The following DEFB110 variants were observed in gnomAD, a reference collection of about 807,000 sequenced individuals.
DEFB110 encodes the protein defensin beta 110.
A neutral mutation model predicts 2.5 loss-of-function variants in DEFB110; 4 were observed. That is an observed-to-expected ratio of 1.60 (90% confidence interval 0.79 to 3.66). The LOEUF (loss-of-function observed/expected upper bound fraction) is 3.66, where lower values mean the gene tolerates loss of function less well. Ranked by LOEUF, DEFB110 falls within the 30% of genes most tolerant of loss-of-function variation. DEFB110 has a pLI of 0.01. For missense variants in DEFB110, 94 were observed against 75.4 expected (o/e 1.25, Z -0.91); for synonymous variants, 29 against 21.8 (o/e 1.33, Z -0.92).
downstream of DEFB110, among the ~76,000 whole-genome samples, chr6:50,014,079 A>T (rs912491069): frequency 6.6e-6 from 1 of 151,882 alleles, no homozygotes. Context: ...TAAGAGGAAA[A>T]GGGATTCAGA....
At chr6:50,013,446 CTG>C (rs1432199574) in intron 1 of DEFB110, among the ~76,000 whole-genome samples, 2 of 151,792 alleles carry the variant, frequency 1.3e-5, no homozygotes, top group Non-Finnish European at 2.9e-5. Flanking sequence ...GAAAATCAAA[CTG>C]TGCACAGGTG....
chr6:50,020,912 T>C (rs191512259), intron 1 of DEFB110, among the ~76,000 whole-genome samples: 15 of 152,340 alleles, frequency 9.8e-5, no homozygotes, highest in East Asian at 1.9e-4. Context: ...TGAATTATAC[T>C]CACTTTTGGC....
chr6:50,012,209 C>T (rs540654444), intron 1 of DEFB110, among the ~76,000 whole-genome samples: 5 of 151,968 alleles, frequency 3.3e-5, no homozygotes, highest in East Asian at 3.9e-4. Context: ...CCTGCTATCA[C>T]ATTGTTACTA....
downstream of DEFB110, among the ~76,000 whole-genome samples, chr6:50,014,116 T>G (rs1774276162): frequency 6.6e-6 from 1 of 151,806 alleles, no homozygotes; most frequent in Non-Finnish European, 1.5e-5. Context: ...CCATTGACAT[T>G]TAGAAGACTA....
At chr6:50,021,645 T>C (rs1051362579) in intron 1 of DEFB110, among the ~76,000 whole-genome samples, 1 of 152,212 alleles carries the variant, frequency 6.6e-6, no homozygotes, top group African/African-American at 2.4e-5. Flanking sequence ...GAATTAATGT[T>C]GATGTAATAG....
chr6:50,020,347 T>C (rs1415484892), intron 1 of DEFB110, among the ~76,000 whole-genome samples: 1 of 152,142 alleles, frequency 6.6e-6, no homozygotes, highest in East Asian at 1.9e-4. Flanking sequence ...TTTTTAAGTT[T>C]ATATTTTAAA....
At chr6:50,020,413 C>T (rs929562948) in intron 1 of DEFB110, among the ~76,000 whole-genome samples, 1 of 150,874 alleles carries the variant, frequency 6.6e-6, no homozygotes, top group Non-Finnish European at 1.5e-5. Context: ...CTGGCCGATT[C>T]GTTTTCAGAA....
rs1218551794 is a variant in DEFB110, at chr6:50,019,902, C to G, written c.56-777G>C. Among the ~76,000 whole-genome samples the G allele has an allele frequency of 2.0e-5, 3 of 152,136 alleles. No individual in the cohort carries two copies. The South Asian group carries it at 6.2e-4, about 32-fold the overall frequency. On this transcript the variant is annotated intron_variant, in intron 1 of 1. Coordinates refer to ENST00000371148, the MANE Select transcript of DEFB110 (RefSeq NM_001037497.2). The stretch of plus-strand genomic sequence containing the variant: ...ATTTTTGGAAGTAATTTTAGTGGCA[C>G]GCAGACACACCCATTTGCTAACACA...
At position 50,021,970 on chromosome 6, in the gene DEFB110, C is replaced by T. The variant is rs754490484; in HGVS notation, c.-35G>A. 1 of 1,502,486 alleles carries T rather than the reference C, an allele frequency of 6.7e-7. No individual in the cohort carries two copies. The highest frequency in any genetic ancestry group is 8.9e-7 in the Non-Finnish European group (1 of 1,126,502). The allele number at this position is 1,502,486 out of a possible 1,614,324, so 93.1% of individuals were successfully genotyped here. ...TTTCTTAAAAAAAGGGGGCAACAGA[C>T]CTCCTTTTTCAAGTCAGTTGTTTTG... On this transcript the variant is annotated 5_prime_UTR_variant, in exon 1 of 2. Coordinates refer to ENST00000371148, the MANE Select transcript of DEFB110 (RefSeq NM_001037497.2).
rs773742589 is a variant in DEFB110 at position 50,019,040 on chromosome 6, A to G, written c.141T>C (p.His47=). ...IGNGQCKNQC[H]ENEIRIAYCI... is the part of the protein sequence containing the mutation. ...AGTAAGCAATCCTAATTTCATTTTC[A>G]TGACACTGATTTTTACATTGACCAT... The change falls in exon 2 of 2, where the codon CAT becomes CAC. Residue 47 remains histidine, a synonymous_variant. Transcript: ENST00000371148. 3.7e-6 allele frequency: 6 copies of G among 1,613,222 alleles called. No homozygotes were observed. Among genetic ancestry groups the G allele is most frequent in the Non-Finnish European group, 5.1e-6 (6 of 1,179,428 alleles).
downstream of DEFB110, among the ~76,000 whole-genome samples, chr6:50,018,654 A>G (rs1214293642): frequency 3.9e-5 from 6 of 151,972 alleles, no homozygotes; most frequent in Non-Finnish European, 2.9e-5. Context: ...TCTTTGACCT[A>G]GGGTTTCCCA....
intron 1 of DEFB110, 61 bp from the exon 2 acceptor site, chr6:50,019,186 A>G (rs1165200752): frequency 4.5e-6 from 7 of 1,541,366 alleles, no homozygotes; most frequent in African/African-American, 1.4e-5. Flanking sequence ...CATGTTTTAA[A>G]AGGAGAAAGT....
At position 50,018,884 on chromosome 6, in the gene DEFB110, A is replaced by G. The variant is rs952523997; in HGVS notation, c.*93T>C. 1.4e-6 allele frequency: 2 copies of G among 1,480,994 alleles called. No homozygotes were observed. The highest frequency in any genetic ancestry group is 1.8e-6 in the Non-Finnish European group (2 of 1,122,082). The allele number at this position is 1,480,994 out of a possible 1,614,324, so 91.7% of individuals were successfully genotyped here. Reference sequence around the variant, plus strand: ...AATTTTTATTTAGTTCTTGTGTATTATAGAGACACACACGCCTTGAAGGAT... The same window carrying G: ...AATTTTTATTTAGTTCTTGTGTATTGTAGAGACACACACGCCTTGAAGGAT... On this transcript the variant is annotated 3_prime_UTR_variant, in exon 2 of 2. Coordinates refer to ENST00000371148, the MANE Select transcript of DEFB110 (RefSeq NM_001037497.2).
chr6:50,009,149 A>G (rs746841032), exon 2 of DEFB110: 4 of 1,610,182 alleles, frequency 2.5e-6, no homozygotes, highest in Non-Finnish European at 2.5e-6. Flanking sequence ...TATACGCAGC[A>G]CTGACTTCTC....
At chr6:50,021,375 C>G (rs879535943) in intron 1 of DEFB110, among the ~76,000 whole-genome samples, 3 of 152,134 alleles carry the variant, frequency 2.0e-5, no homozygotes, top group Non-Finnish European at 4.4e-5. Context: ...ATTCACTCCT[C>G]TCTGAGAACC....
At chr6:50,010,878 TATATTCAA>T (rs1296660564) in intron 1 of DEFB110, among the ~76,000 whole-genome samples, 1 of 151,676 alleles carries the variant, frequency 6.6e-6, no homozygotes, top group African/African-American at 2.4e-5. Flanking sequence ...GTTTTTAAGA[TATATTCAA>T]ATTAGAAAAA....
chr6:50,012,179 C>T (rs1774239449), intron 1 of DEFB110, among the ~76,000 whole-genome samples: 1 of 151,964 alleles, frequency 6.6e-6, no homozygotes, highest in Non-Finnish European at 1.5e-5. Flanking sequence ...AAGTGGAGCA[C>T]TGTTACTCAC....
rs199961692 is a variant in DEFB110, at chr6:50,021,519, A to G, written c.55+362T>C. Among the ~76,000 whole-genome samples the G allele has an allele frequency of 3.9e-5, 6 of 152,210 alleles. No individual in the cohort carries two copies. In the East Asian group the frequency reaches 1.2e-3, roughly 29 times the overall value. On this transcript the variant is annotated intron_variant, in intron 1 of 1. Transcript: ENST00000371148. ...AAATCTCTCTCCATTTCTGTCTCAC[A>G]TCACTTTTTGTTATGATATTATTTT...
At chr6:50,013,459 G>T (rs1160317773) in intron 1 of DEFB110, among the ~76,000 whole-genome samples, 1 of 151,720 alleles carries the variant, frequency 6.6e-6, no homozygotes, top group East Asian at 1.9e-4. Context: ...TGCACAGGTG[G>T]CAAAAGGCCC....
Sources: gnomAD v4.1 joint callset for allele counts (sites outside exome capture counted in the v4.1 genomes callset) on GRCh38, gnomAD v4.1.1 for gene constraint, MANE v1.5 for transcripts, NCBI Gene and HGNC (gene_info 2026-07-23, HGNC 2026-07-21) for gene names.